Variants in SYNJ1 observed in about 807,000 individuals in gnomAD.
SYNJ1 encodes synaptojanin 1, also known as polyphosphatidylinositol phosphatase SYNJ1.
In SYNJ1, 78 loss-of-function variants were observed where a neutral mutation model predicts 168.2. That is an observed-to-expected ratio of 0.46 (90% confidence interval 0.39 to 0.56). The LOEUF is 0.56. SYNJ1 is among the 20% of genes least tolerant of loss of function. SYNJ1 has a pLI of 0.00. For missense variants in SYNJ1, 1,303 were observed against 1,597.6 expected, an observed-to-expected ratio of 0.82 and a Z score of 3.14; for synonymous variants, 539 against 548.6, an observed-to-expected ratio of 0.98 and a Z score of 0.24.
chr21:32,726,124 G>A (rs2043443681), intron 2 of SYNJ1, among the ~76,000 whole-genome samples: 1 of 152,178 alleles, frequency 6.6e-6, no homozygotes, highest in African/African-American at 2.4e-5. Flanking sequence ...ACAGGCGTGA[G>A]CCCCCACACC....
chr21:32,686,213 T>C (rs961639660), intron 8 of SYNJ1, among the ~76,000 whole-genome samples: 1 of 152,196 alleles, frequency 6.6e-6, no homozygotes, highest in African/African-American at 2.4e-5. Context: ...TATCAAAGAC[T>C]GAAAGATTCA....
chr21:32,691,540 T>C lies in SYNJ1; in HGVS notation c.789+2688A>G, dbSNP rs74579716. ...ACTGTAAATGTAGTATAATAATATA[T>C]GATCTGAGTATTATAAGTTATAAAT... is the stretch of plus-strand genomic sequence containing the variant. On this transcript the variant is annotated intron_variant, in intron 6 of 32. Coordinates refer to ENST00000674351, the MANE Select transcript of SYNJ1 (RefSeq NM_203446.3). 2.3e-3 allele frequency among the ~76,000 whole-genome samples: 347 copies of C among 152,324 alleles called. 1 individual carries two copies. Among genetic ancestry groups the C allele is most frequent in the African/African-American group, 7.6e-3 (317 of 41,566 alleles).
At chr21:32,698,718 T>C (rs368723802) in intron 4 of SYNJ1, among the ~76,000 whole-genome samples, 2 of 152,174 alleles carry the variant, frequency 1.3e-5, no homozygotes, top group African/African-American at 4.8e-5. Flanking sequence ...ATGAAATACA[T>C]CACACTTACC....
rs1335242157 is a variant in SYNJ1, at chr21:32,673,501, T to C, written c.1565A>G (p.Glu522Gly). 1 of 1,613,178 alleles carries C rather than the reference T, an allele frequency of 6.2e-7. No homozygotes were observed. Among genetic ancestry groups the C allele is most frequent in the African/African-American group, 1.3e-5 (1 of 74,988 alleles). ...ASSKVLKSMC[E>G]NFYKYSKPKK... Reference sequence around the variant, plus strand: ...AGGCTTTGAATATTTGTAGAAATTCTCACACATGCTCTTTAGTACTTTAGA... The same window carrying C: ...AGGCTTTGAATATTTGTAGAAATTCCCACACATGCTCTTTAGTACTTTAGA... Residue 522 changes from glutamate (E) to glycine (G), a missense_variant, in exon 14 of 33, where the codon GAG becomes GGG. Glu to Gly is a moderately conservative substitution (Grantham distance 98, BLOSUM62 -2). Coordinates refer to ENST00000674351, the MANE Select transcript of SYNJ1 (RefSeq NM_203446.3).
intron 7 of SYNJ1, 48 bp from the exon 8 acceptor site, chr21:32,687,122 A>AT (rs764566728): frequency 8.4e-6 from 8 of 957,028 alleles, no homozygotes; most frequent in Admixed American, 3.1e-5. Context: ...AAGAAGCCCA[A>AT]TTTTTTCAAT....
At chr21:32,699,499 C>T (rs142372944) in intron 4 of SYNJ1, among the ~76,000 whole-genome samples, 1 of 152,178 alleles carries the variant, frequency 6.6e-6, no homozygotes, top group Non-Finnish European at 1.5e-5. Context: ...TTATCAGGAT[C>T]TACTTAACAA....
chr21:32,678,556 C>G lies in SYNJ1; in HGVS notation c.1510+89G>C. ...GAAATCCCTTCAAAAACTATTTTAA[C>G]CAACTAAAAATTCTGTGTAAATAAG... On this transcript the variant is annotated intron_variant, in intron 12 of 32. Transcript: ENST00000674351. 3 of 1,366,296 alleles carry G rather than the reference C, an allele frequency of 2.2e-6. No homozygotes were observed. The South Asian group carries it at 5.1e-5, about 23-fold the overall frequency. The allele number at this position is 1,366,296 out of a possible 1,614,324, so 84.6% of individuals were successfully genotyped here.
At chr21:32,646,683 T>G in intron 23 of SYNJ1, 81 bp from the exon 24 acceptor site, 1 of 1,016,866 alleles carries the variant, frequency 9.8e-7, no homozygotes, top group Non-Finnish European at 1.5e-6. Context: ...TTTAAAAAGT[T>G]AAAATACACA....
chr21:32,720,758 G>A (rs11911764), intron 2 of SYNJ1, among the ~76,000 whole-genome samples: 4 of 152,262 alleles, frequency 2.6e-5, no homozygotes, highest in Admixed American at 6.5e-5. Flanking sequence ...AATCCATGGC[G>A]CCACCTCACC....
At position 32,639,128 on chromosome 21, in the gene SYNJ1, A is replaced by G. The variant is rs1245720656; in HGVS notation, c.3698-3T>C. 1 of 1,609,320 alleles carries G rather than the reference A, an allele frequency of 6.2e-7. No homozygotes were observed. The highest frequency in any genetic ancestry group is 1.1e-5 in the South Asian group (1 of 90,830). ...TGGTTCAGGAAGGAAAGTTGAACCTAAAAAACCAGTGGTTGTCAGATGTTA... is the reference window on the plus strand; with the variant it reads ...TGGTTCAGGAAGGAAAGTTGAACCTGAAAAACCAGTGGTTGTCAGATGTTA... On this transcript the variant is annotated splice_region_variant and splice_polypyrimidine_tract_variant and intron_variant, in intron 30 of 32. Coordinates refer to ENST00000674351, the MANE Select transcript of SYNJ1 (RefSeq NM_203446.3).
chr21:32,714,430 T>C (rs928408261), intron 2 of SYNJ1, among the ~76,000 whole-genome samples: 2 of 151,456 alleles, frequency 1.3e-5, no homozygotes, highest in Non-Finnish European at 2.9e-5. Flanking sequence ...AAGGAGGGAA[T>C]TGTAATGATC....
chr21:32,656,963 A>C, intron 20 of SYNJ1, 40 bp downstream of exon 20: 1 of 1,610,880 alleles, frequency 6.2e-7, no homozygotes, highest in Non-Finnish European at 8.5e-7. Context: ...TATTTCAAAC[A>C]AATTTCAAAC....
chr21:32,668,009 A>G (rs200030926), intron 15 of SYNJ1, among the ~76,000 whole-genome samples: 74 of 144,006 alleles, frequency 5.1e-4, no homozygotes, highest in African/African-American at 9.8e-4. Context: ...AAGAATATAT[A>G]TGTGTGTGTG....
chr21:32,705,428 G>A (rs1310070472), intron 2 of SYNJ1, among the ~76,000 whole-genome samples: 4 of 152,096 alleles, frequency 2.6e-5, no homozygotes, highest in South Asian at 2.1e-4. Context: ...GACAAAATGA[G>A]CCTAAAACAT....
At position 32,713,548 on chromosome 21, in the gene SYNJ1, A is replaced by G. The variant is rs112497601; in HGVS notation, c.125-11501T>C. Among the ~76,000 whole-genome samples the G allele has an allele frequency of 1.2e-3, 161 of 132,236 alleles. 1 individual carries two copies. The highest frequency in any genetic ancestry group is 4.9e-3 in the Admixed American group (63 of 12,830). 86.8% of individuals were successfully genotyped at this position (132,236 alleles called of 152,430 possible). Reference sequence around the variant, plus strand: ...TGGATGATTTCCCATATATCAACATAGATGATTTCCCATATGTCAACATGG... The same window carrying G: ...TGGATGATTTCCCATATATCAACATGGATGATTTCCCATATGTCAACATGG... On this transcript the variant is annotated intron_variant, in intron 2 of 32. Transcript: ENST00000674351.
intron 11 of SYNJ1, 53 bp downstream of exon 11, chr21:32,681,443 T>A (rs2041618574): frequency 2.6e-6 from 4 of 1,529,734 alleles, no homozygotes; most frequent in Non-Finnish European, 3.5e-6. Flanking sequence ...AAAAGCTTTA[T>A]GAAGAGAGGA....
chr21:32,643,504 C>T, intron 26 of SYNJ1, 47 bp from the exon 27 acceptor site: 1 of 1,585,962 alleles, frequency 6.3e-7, no homozygotes, highest in South Asian at 1.1e-5. Context: ...GGGCCCACAG[C>T]ACAGAATGAA....
At chr21:32,692,772 C>T (rs144170510) in intron 6 of SYNJ1, among the ~76,000 whole-genome samples, 370 of 152,186 alleles carry the variant, frequency 2.4e-3, no homozygotes, top group African/African-American at 8.6e-3. Flanking sequence ...ATAACACAGG[C>T]CAAGTACAGT....
chr21:32,656,596 T>A (rs2040464966), intron 21 of SYNJ1, 91 bp downstream of exon 21: 1 of 1,167,690 alleles, frequency 8.6e-7, no homozygotes, highest in Non-Finnish European at 1.2e-6. Context: ...CTTTCTTTTT[T>A]AAAATTCTCT....
Sources: gnomAD v4.1 joint callset for allele counts (sites outside exome capture counted in the v4.1 genomes callset) on GRCh38, gnomAD v4.1.1 for gene constraint, MANE v1.5 for transcripts, NCBI Gene and HGNC (gene_info 2026-07-23, HGNC 2026-07-21) for gene names.